TRDN: variants seen among roughly 807,000 people sequenced by gnomAD.
The protein encoded by TRDN is triadin.
TRDN carries 161 observed loss-of-function variants against 149.7 expected under a neutral mutation model. The observed-to-expected ratio is 1.08, with a 90% confidence interval of 0.95 to 1.23. TRDN has a LOEUF of 1.23. TRDN is among the 50% of genes most tolerant of loss of function. TRDN has a pLI of 0.00. For synonymous variants in TRDN, 294 were observed against 250.5 expected, an observed-to-expected ratio of 1.17 and a Z score of -1.64; for missense variants, 896 against 823.5, an observed-to-expected ratio of 1.09 and a Z score of -1.08.
chr6:123,507,411 A>G (rs1041620309), intron 7 of TRDN, among the ~76,000 whole-genome samples: 22 of 152,164 alleles, frequency 1.4e-4, no homozygotes, highest in Admixed American at 1.0e-3. Flanking sequence ...AAGTATAAAA[A>G]TAATAAAATA....
At chr6:123,335,176 T>C (rs1779815590) in intron 22 of TRDN, among the ~76,000 whole-genome samples, 1 of 151,772 alleles carries the variant, frequency 6.6e-6, no homozygotes, top group African/African-American at 2.4e-5. Flanking sequence ...TCAGGAAAAA[T>C]GAAATTCTTC....
chr6:123,481,938 T>A (rs545540894), intron 9 of TRDN, among the ~76,000 whole-genome samples: 6 of 152,324 alleles, frequency 3.9e-5, no homozygotes, highest in African/African-American at 1.4e-4. Context: ...ATCTAATTCC[T>A]AGAAAATAAA....
At chr6:123,620,109 G>A (rs1399721794) in intron 1 of TRDN, among the ~76,000 whole-genome samples, 21 of 152,090 alleles carry the variant, frequency 1.4e-4, no homozygotes, top group Admixed American at 1.4e-3. Flanking sequence ...TGAGTTTTAA[G>A]CCACTATACT....
intron 2 of TRDN, among the ~76,000 whole-genome samples, chr6:123,558,995 C>A (rs1283279156): frequency 1.3e-5 from 2 of 152,228 alleles, no homozygotes; most frequent in African/African-American, 2.4e-5. Flanking sequence ...CTGTGCAGGA[C>A]CCCACTGGAA....
chr6:123,474,023 G>T (rs1777331133), intron 9 of TRDN, among the ~76,000 whole-genome samples: 1 of 151,936 alleles, frequency 6.6e-6, no homozygotes, highest in South Asian at 2.1e-4. Context: ...AGACTAGGAA[G>T]AAACTGCATC....
At position 123,345,376 on chromosome 6, in the gene TRDN, T is replaced by C. The variant is rs116179054; in HGVS notation, c.1369+7163A>G. The stretch of plus-strand genomic sequence containing the variant: ...CAAAGATCAGCTGATTATATTTTTG[T>C]GAGTGCATTTCTGAGTTCTCTATTC... On this transcript the variant is annotated intron_variant, in intron 21 of 40. Coordinates refer to ENST00000334268, the MANE Select transcript of TRDN (RefSeq NM_006073.4). Among the ~76,000 whole-genome samples the C allele has an allele frequency of 6.3e-3, 961 of 152,116 alleles. 12 individuals are homozygous for C. Among genetic ancestry groups the C allele is most frequent in the African/African-American group, 0.022 (911 of 41,536 alleles).
chr6:123,584,491 C>T (rs1424247649), intron 1 of TRDN, among the ~76,000 whole-genome samples: 5 of 151,930 alleles, frequency 3.3e-5, no homozygotes, highest in Non-Finnish European at 7.4e-5. Context: ...ACTAACCATG[C>T]CTAGGAAGGA....
chr6:123,515,145 G>T (rs375781212), intron 6 of TRDN, among the ~76,000 whole-genome samples: 3 of 151,556 alleles, frequency 2.0e-5, no homozygotes, highest in East Asian at 1.9e-4. Context: ...ACAATAACAC[G>T]CCAGTAACAG....
chr6:123,507,990 G>A (rs540875418), intron 7 of TRDN, among the ~76,000 whole-genome samples: 5 of 46,938 alleles, frequency 1.1e-4, no homozygotes, highest in South Asian at 7.0e-4. Context: ...GTTTCTTTGC[G>A]TTAAAAAAAA....
At chr6:123,630,186 T>G (rs1024770215) in intron 1 of TRDN, among the ~76,000 whole-genome samples, 4 of 152,068 alleles carry the variant, frequency 2.6e-5, no homozygotes, top group African/African-American at 9.7e-5. Context: ...ATATGTTACA[T>G]TAGATAATAT....
At chr6:123,520,279 T>G (rs73770128) in intron 5 of TRDN, among the ~76,000 whole-genome samples, 1 of 152,174 alleles carries the variant, frequency 6.6e-6, no homozygotes, top group South Asian at 2.1e-4. Context: ...AACTTTAATA[T>G]AAGCATGCAA....
rs538085006 is a variant in TRDN at position 123,528,824 on chromosome 6, C to G, written c.484+1682G>C. 71 of 1,000,986 alleles carry G rather than the reference C, an allele frequency of 7.1e-5. No individual in the cohort carries two copies. The African/African-American group carries it at 1.1e-3, about 16-fold the overall frequency. 62.0% of individuals were successfully genotyped at this position (1,000,986 alleles called of 1,614,324 possible). A position where few individuals can be genotyped will look rare whatever the true frequency, so the allele number is the denominator to read the frequency against. On this transcript the variant is annotated intron_variant, in intron 5 of 40. Coordinates refer to ENST00000334268, the MANE Select transcript of TRDN (RefSeq NM_006073.4). ...ACAGAAAAACTGTGGAAAACATAAG[C>G]TCTCTCTGATTTCCAGCTCAGTGTG...
chr6:123,588,705 C>A (rs548378649), intron 1 of TRDN, among the ~76,000 whole-genome samples: 17 of 152,086 alleles, frequency 1.1e-4, no homozygotes, highest in Non-Finnish European at 7.3e-5. Flanking sequence ...CTCTTGAAGG[C>A]CCCTATCTAT....
intron 8 of TRDN, chr6:123,502,945 G>A (rs1778760990): frequency 1.1e-5 from 11 of 985,174 alleles, no homozygotes; most frequent in Non-Finnish European, 1.3e-5. Context: ...CAGAGATGTG[G>A]TACGATAAGA....
intron 1 of TRDN, among the ~76,000 whole-genome samples, chr6:123,594,762 A>T (rs1369927544): frequency 1.3e-5 from 2 of 151,964 alleles, no homozygotes; most frequent in Non-Finnish European, 2.9e-5. Context: ...AAAAAAATGC[A>T]TTTTAATATA....
intron 9 of TRDN, among the ~76,000 whole-genome samples, chr6:123,480,362 C>T (rs2114767478): frequency 6.6e-6 from 1 of 151,970 alleles, no homozygotes; most frequent in East Asian, 1.9e-4. Flanking sequence ...TCACCTCTCA[C>T]ATGTTAACAT....
chr6:123,254,823 A>T, intron 37 of TRDN: 1 of 306,526 alleles, frequency 3.3e-6, no homozygotes, highest in East Asian at 6.6e-5. Flanking sequence ...TTTGTAATTG[A>T]TAATTTTTCT....
chr6:123,239,002 C>A (rs961478857), intron 38 of TRDN, among the ~76,000 whole-genome samples: 1 of 151,902 alleles, frequency 6.6e-6, no homozygotes, highest in African/African-American at 2.4e-5. Flanking sequence ...CACCACGCCA[C>A]GCTAATTTTT....
chr6:123,255,848 T>A lies in TRDN; in HGVS notation c.1906+19A>T. On this transcript the variant is annotated intron_variant, in intron 36 of 40. Transcript: ENST00000334268. ...CTTCAGGGCTTTGCATTCTATTTTTTATTCTTTTAAAAAATTACCTTTTTC... is the reference window on the plus strand; with the variant it reads ...CTTCAGGGCTTTGCATTCTATTTTTAATTCTTTTAAAAAATTACCTTTTTC... 7.5e-7 allele frequency: 1 copy of A among 1,331,942 alleles called. No homozygotes were observed. Among genetic ancestry groups the A allele is most frequent in the African/African-American group, 1.6e-5 (1 of 64,316 alleles). The allele number at this position is 1,331,942 out of a possible 1,614,324, so 82.5% of individuals were successfully genotyped here.
Sources: allele counts gnomAD v4.1 joint callset (sites outside exome capture counted in the v4.1 genomes callset), GRCh38; gene constraint gnomAD v4.1.1; transcripts MANE v1.5; gene names NCBI Gene and HGNC (gene_info 2026-07-23, HGNC 2026-07-21).